KREMEN1: variants seen among roughly 807,000 people sequenced by gnomAD.
The protein encoded by KREMEN1 is kremen protein 1.
Under a neutral mutation model 46.5 loss-of-function variants are expected in KREMEN1, and 30 were observed. That is an observed-to-expected ratio of 0.65 (90% confidence interval 0.48 to 0.88). The LOEUF (loss-of-function observed/expected upper bound fraction) is 0.88, where lower values mean the gene tolerates loss of function less well. Ranked by LOEUF, KREMEN1 falls within the 40% of genes least tolerant of loss-of-function variation. The pLI is 0.00. For synonymous variants in KREMEN1, 214 were observed against 230.6 expected (o/e 0.93, Z 0.65); for missense variants, 533 against 596.9 (o/e 0.89, Z 1.11).
chr22:29,101,252 C>CA (rs368843166), intron 3 of KREMEN1, among the ~76,000 whole-genome samples: 2,792 of 73,142 alleles, frequency 0.038, 38 homozygotes, highest in African/African-American at 0.067. Flanking sequence ...AGTCTGTCTC[C>CA]AAAAAAAAAA....
At position 29,137,346 on chromosome 22, in the gene KREMEN1, C is replaced by G; in HGVS notation, c.636C>G (p.Leu212=). The G allele has an allele frequency of 6.8e-7, 1 of 1,478,820 alleles. No homozygotes were observed. Among genetic ancestry groups the G allele is most frequent in the Non-Finnish European group, 9.0e-7 (1 of 1,108,820 alleles). The allele number at this position is 1,478,820 out of a possible 1,614,324, so 91.6% of individuals were successfully genotyped here. Residue 212 remains leucine, a synonymous_variant, in exon 6 of 9, where the codon CTC becomes CTG. Coordinates refer to ENST00000400335, the MANE Select transcript of KREMEN1 (RefSeq NM_001039570.3). ...GTGTCTTTTTCTCTCCTACAGCTCT[C>G]GTGGGCGCCTGCGGTGGGAACTACT... ...GDGRIILFDT[L]VGACGGNYSA... is the part of the protein sequence containing the mutation.
chr22:29,092,645 T>G (rs560124975), intron 1 of KREMEN1, among the ~76,000 whole-genome samples: 1 of 152,350 alleles, frequency 6.6e-6, no homozygotes, highest in Non-Finnish European at 1.5e-5. Context: ...AGAGTTGCAC[T>G]TATCATAACA....
At position 29,131,171 on chromosome 22, in the gene KREMEN1, CGAGA is replaced by C. The variant is rs1276528081; in HGVS notation, c.631+5760_631+5763del. On this transcript the variant is annotated intron_variant, in intron 5 of 8. Coordinates refer to ENST00000400335, the MANE Select transcript of KREMEN1 (RefSeq NM_001039570.3). ...GCTCCTGCTAATTCTCATGACCCCA[CGAGA>C]GAGAAACTATTACCATTTTCATTTT... Among the ~76,000 whole-genome samples, 27 of 152,156 alleles carry C rather than the reference CGAGA, an allele frequency of 1.8e-4. No individual in the cohort carries two copies. In the East Asian group the frequency reaches 4.8e-3, roughly 27 times the overall value.
At chr22:29,165,831 G>A (rs2039048645) in intron 9 of KREMEN1, among the ~76,000 whole-genome samples, 1 of 152,166 alleles carries the variant, frequency 6.6e-6, no homozygotes, top group South Asian at 2.1e-4. Flanking sequence ...GGGTCCCTAG[G>A]GGGACTTGCA....
chr22:29,106,095 A>G (rs898401813), intron 3 of KREMEN1, among the ~76,000 whole-genome samples: 3 of 152,224 alleles, frequency 2.0e-5, no homozygotes, highest in Admixed American at 1.3e-4. Context: ...CAGTTTCTCA[A>G]TTATAGAAAA....
At chr22:29,159,673 A>C (rs144761413) in intron 9 of KREMEN1, among the ~76,000 whole-genome samples, 94 of 152,322 alleles carry the variant, frequency 6.2e-4, no homozygotes, top group African/African-American at 2.1e-3. Context: ...CAGGAAGCAC[A>C]GGTTTCAGAC....
chr22:29,094,527 C>G (rs1433283900), intron 2 of KREMEN1, 107 bp downstream of exon 2: 1 of 868,342 alleles, frequency 1.2e-6, no homozygotes, highest in Non-Finnish European at 1.7e-6. Context: ...TTGACCAACT[C>G]AAGAGACTTA....
At position 29,146,238 on chromosome 22, in the gene KREMEN1, C is replaced by T. The variant is rs1267382889; in HGVS notation, c.*4126C>T. 2 of 985,780 alleles carry T rather than the reference C, an allele frequency of 2.0e-6. No homozygotes were observed. Among genetic ancestry groups the T allele is most frequent in the Non-Finnish European group, 2.4e-6 (2 of 829,990 alleles). The allele number at this position is 985,780 out of a possible 1,614,324, so 61.1% of individuals were successfully genotyped here. On this transcript the variant is annotated 3_prime_UTR_variant, in exon 9 of 9. Coordinates refer to ENST00000400335, the MANE Select transcript of KREMEN1 (RefSeq NM_001039570.3). ...TTGTTTACCTTCCTCACTGTTCTAC[C>T]TCCTGGCCAGGTCTCAGCTTAGCTT... is the stretch of plus-strand genomic sequence containing the variant.
At chr22:29,164,096 C>T (rs898019808) in intron 9 of KREMEN1, among the ~76,000 whole-genome samples, 3 of 152,234 alleles carry the variant, frequency 2.0e-5, no homozygotes, top group Non-Finnish European at 4.4e-5. Context: ...ATTACAGGCG[C>T]GCATTGCTGC....
In KREMEN1 at chr22:29,073,266, A is replaced by C; in HGVS notation, c.97+39A>C. The C allele has an allele frequency of 1.1e-6, 1 of 946,030 alleles. No homozygotes were observed. The highest frequency in any genetic ancestry group is 1.3e-6 in the Non-Finnish European group (1 of 748,516). The allele number at this position is 946,030 out of a possible 1,614,324, so 58.6% of individuals were successfully genotyped here. On this transcript the variant is annotated intron_variant, in intron 1 of 8. Transcript: ENST00000400335. This position sits in a 1 kb window ranked among gnomAD's most constrained non-coding sequence, Gnocchi z 4.4. ...ACCCCCCGCCGCCCGCCCTGAGCGG[A>C]GCCCACTCGAGGGGCGACAAGGGCC...
intron 3 of KREMEN1, 41 bp downstream of exon 3, chr22:29,098,994 G>C: frequency 1.4e-6 from 2 of 1,440,492 alleles, no homozygotes; most frequent in African/African-American, 1.4e-5. Flanking sequence ...ACAGGACTGT[G>C]AACACTAAGA....
In KREMEN1 at chr22:29,142,590, G is replaced by A; in HGVS notation, c.*478G>A. The A allele has an allele frequency of 4.1e-6, 4 of 985,732 alleles. No individual in the cohort carries two copies. The highest frequency in any genetic ancestry group is 4.8e-6 in the Non-Finnish European group (4 of 830,160). The allele number at this position is 985,732 out of a possible 1,614,324, so 61.1% of individuals were successfully genotyped here. A position where few individuals can be genotyped will look rare whatever the true frequency, so the allele number is the denominator to read the frequency against. ...AGGGCCAGACAGGGAGAACTCTCAG[G>A]TACTCTTGGGAGTTGGTCCCATACA... On this transcript the variant is annotated 3_prime_UTR_variant, in exon 9 of 9. Transcript: ENST00000400335.
intron 3 of KREMEN1, among the ~76,000 whole-genome samples, chr22:29,113,972 A>G (rs1489182509): frequency 1.3e-5 from 2 of 152,218 alleles, no homozygotes; most frequent in Admixed American, 6.5e-5. Flanking sequence ...AGATGCCCAC[A>G]AAGACCCCTT....
At chr22:29,141,281 GTGTCTGTGTGTGTGTGTC>G (rs2038758228) in intron 8 of KREMEN1, among the ~76,000 whole-genome samples, 2 of 140,518 alleles carry the variant, frequency 1.4e-5, no homozygotes, top group Admixed American at 6.8e-5. Flanking sequence ...GTGTGTGTCT[GTGTCTGTGTGTGTGTGTC>G]TGTGTGTGTG....
chr22:29,126,664 C>T (rs1276610949), intron 5 of KREMEN1, among the ~76,000 whole-genome samples: 1 of 152,182 alleles, frequency 6.6e-6, no homozygotes, highest in Non-Finnish European at 1.5e-5. Flanking sequence ...CACAATTCAG[C>T]CACTATATAT....
chr22:29,116,997 A>AT (rs1399273592), intron 3 of KREMEN1, among the ~76,000 whole-genome samples: 1 of 152,192 alleles, frequency 6.6e-6, no homozygotes, highest in African/African-American at 2.4e-5. Flanking sequence ...GGTGAGCCAC[A>AT]TTTGTTATAT....
intron 3 of KREMEN1, among the ~76,000 whole-genome samples, chr22:29,119,641 A>C (rs927078712): frequency 3.3e-5 from 5 of 152,240 alleles, no homozygotes; most frequent in Non-Finnish European, 5.9e-5. Context: ...GCAAACATTG[A>C]GTGCATAGCA....
intron 1 of KREMEN1, among the ~76,000 whole-genome samples, chr22:29,090,943 G>T (rs1016203969): frequency 6.6e-6 from 1 of 151,784 alleles, no homozygotes; most frequent in Admixed American, 6.6e-5. Flanking sequence ...ATGCCATCTC[G>T]TCTCCATGAG....
intron 3 of KREMEN1, among the ~76,000 whole-genome samples, chr22:29,107,617 C>T (rs1202924204): frequency 6.6e-6 from 1 of 152,116 alleles, no homozygotes; most frequent in Non-Finnish European, 1.5e-5. Context: ...GGTGAGGTGG[C>T]TCATGCTTAT....
Sources: allele counts gnomAD v4.1 joint callset (sites outside exome capture counted in the v4.1 genomes callset), GRCh38; gene constraint gnomAD v4.1.1; non-coding constraint Gnocchi (gnomAD v3.1); transcripts MANE v1.5; gene names NCBI Gene and HGNC (gene_info 2026-07-23, HGNC 2026-07-21).